ATR: variants seen among roughly 807,000 people sequenced by gnomAD.
The protein encoded by ATR is ATR checkpoint kinase, also known as serine/threonine-protein kinase ATR.
A neutral mutation model predicts 305.3 loss-of-function variants in ATR; 142 were observed. The observed-to-expected ratio is 0.47, with a 90% CI of 0.41 to 0.53. The LOEUF is 0.53. Ranked by LOEUF, ATR falls within the 20% of genes least tolerant of loss-of-function variation. ATR has a pLI of 0.00. For missense variants in ATR, 2,135 were observed against 3,133.1 expected (o/e 0.68, Z 7.60); for synonymous variants, 1,050 against 1,068.1 (o/e 0.98, Z 0.33).
At chr3:142,574,949 A>C (rs2035390381) in intron 1 of ATR, among the ~76,000 whole-genome samples, 1 of 152,208 alleles carries the variant, frequency 6.6e-6, no homozygotes, top group Non-Finnish European at 1.5e-5. Context: ...TTAAATTTCA[A>C]AGGACTGGCT....
rs552125018 is a variant in ATR at position 142,558,393 on chromosome 3, C to T, written c.1885+231G>A. Among the ~76,000 whole-genome samples, 266 of 151,980 alleles carry T rather than the reference C, an allele frequency of 1.8e-3. 3 individuals are homozygous for T. Among genetic ancestry groups the T allele is most frequent in the African/African-American group, 6.0e-3 (249 of 41,448 alleles). ...TAAGAATTAGCTGGGTATGGTGGTG[C>T]GCACCTGTAATCCTAGCTACTCAGG... On this transcript the variant is annotated intron_variant, in intron 8 of 46. Transcript: ENST00000350721.
chr3:142,475,319 A>G (rs1195811640), intron 36 of ATR, among the ~76,000 whole-genome samples: 1 of 152,096 alleles, frequency 6.6e-6, no homozygotes, highest in Non-Finnish European at 1.5e-5. Context: ...TCATTGTTCA[A>G]TTCCCAGCTA....
intron 34 of ATR, among the ~76,000 whole-genome samples, chr3:142,493,713 T>G (rs2031421761): frequency 6.6e-6 from 1 of 150,556 alleles, no homozygotes; most frequent in Admixed American, 6.6e-5. Context: ...ACAAAAAATT[T>G]AAAAATTACC....
rs55690216 is a variant in ATR, at chr3:142,565,733, T to TAAAA, written c.292+384_292+387dup. 4.3e-4 allele frequency among the ~76,000 whole-genome samples: 34 copies of TAAAA among 79,304 alleles called. No homozygotes were observed. In the East Asian group the frequency reaches 5.3e-3, roughly 12 times the overall value. The allele number at this position is 79,304 out of a possible 152,430, so 52.0% of individuals were successfully genotyped here. ...CAACATAGCGAGACCCTGTCTTATT[T>TAAAA]AAAAAAAAAAAAAAAAAAAAAAAAA... On this transcript the variant is annotated intron_variant, in intron 3 of 46. Transcript: ENST00000350721.
intron 34 of ATR, 24 bp downstream of exon 34, chr3:142,496,337 T>TATATATATATA (rs2031642650): frequency 1.1e-6 from 1 of 888,808 alleles, no homozygotes; most frequent in Non-Finnish European, 1.7e-6. Context: ...TATATATATA[T>TATATATATATA]GATGACATTT....
intron 13 of ATR, among the ~76,000 whole-genome samples, chr3:142,551,044 C>T (rs1219215980): frequency 6.6e-6 from 1 of 152,140 alleles, no homozygotes; most frequent in East Asian, 1.9e-4. Flanking sequence ...ACCTTGGCCT[C>T]CCAAAGTGCT....
chr3:142,539,931 T>C (rs1406786093), intron 18 of ATR, among the ~76,000 whole-genome samples: 1 of 152,174 alleles, frequency 6.6e-6, no homozygotes, highest in Non-Finnish European at 1.5e-5. Flanking sequence ...GGGAATTTTA[T>C]AATAAAGGGA....
rs888010601 is a variant in ATR, at chr3:142,519,936, T to A, written c.4267-152A>T. ...TTATGCTTCATGGATGCTGTTTTTT[T>A]TGTCTGTTTGTTTTTTTAGAAATAG... is the stretch of plus-strand genomic sequence containing the variant. On this transcript the variant is annotated intron_variant, in intron 23 of 46. Transcript: ENST00000350721. The A allele has an allele frequency of 3.8e-5, 26 of 679,348 alleles. 1 individual carries two copies. The South Asian group carries it at 4.7e-4, about 12-fold the overall frequency. The allele number at this position is 679,348 out of a possible 1,614,324, so 42.1% of individuals were successfully genotyped here. A position where few individuals can be genotyped will look rare whatever the true frequency, so the allele number is the denominator to read the frequency against.
At chr3:142,486,732 A>G (rs2030948957) in intron 35 of ATR, among the ~76,000 whole-genome samples, 2 of 152,020 alleles carry the variant, frequency 1.3e-5, no homozygotes, top group African/African-American at 4.8e-5. Context: ...AACTTGATCA[A>G]TTATTACAAA....
At chr3:142,508,186 C>T in intron 27 of ATR, 77 bp from the exon 28 acceptor site, 1 of 1,214,946 alleles carries the variant, frequency 8.2e-7, no homozygotes, top group Non-Finnish European at 1.2e-6. Context: ...TATTTAAGTT[C>T]AATTTATTTC....
chr3:142,496,992 A>G, intron 33 of ATR, 21 bp downstream of exon 33: 1 of 1,605,350 alleles, frequency 6.2e-7, no homozygotes, highest in Non-Finnish European at 8.5e-7. Context: ...TGACATTTTT[A>G]AAAAAAGTAG....
intron 10 of ATR, among the ~76,000 whole-genome samples, chr3:142,555,128 C>G (rs1263737877): frequency 7.3e-6 from 1 of 136,196 alleles, no homozygotes; most frequent in Admixed American, 7.4e-5. Context: ...CCCAGCTACT[C>G]CGGAGGCTGG....
At chr3:142,450,318 T>G in intron 46 of ATR, 7 of 1,058,266 alleles carry the variant, frequency 6.6e-6, no homozygotes, top group Non-Finnish European at 9.9e-6. Context: ...GTGAAGCACT[T>G]GAGCCATGTG....
In ATR at chr3:142,553,227, C is replaced by T. The variant is rs2108462005; in HGVS notation, c.2805G>A (p.Gln935=). ...FFSQYKKPIC[Q]FLVESLHSSQ... Reference sequence around the variant, plus strand: ...AGTCCAGACAAACGCTGACTCTTACCTGACAGATGGGTTTCTTATACTGGC... The same window carrying T: ...AGTCCAGACAAACGCTGACTCTTACTTGACAGATGGGTTTCTTATACTGGC... Residue 935 remains glutamine, a splice_region_variant and synonymous_variant, in exon 13 of 47, where the codon CAG becomes CAA. Coordinates refer to ENST00000350721, the MANE Select transcript of ATR (RefSeq NM_001184.4). 1 of 1,614,038 alleles carries T rather than the reference C, an allele frequency of 6.2e-7. No homozygotes were observed. The highest frequency in any genetic ancestry group is 8.5e-7 in the Non-Finnish European group (1 of 1,179,972).
chr3:142,547,962 G>A (rs764473945), intron 15 of ATR, 52 bp from the exon 16 acceptor site: 3 of 1,484,212 alleles, frequency 2.0e-6, no homozygotes, highest in Admixed American at 3.4e-5. Flanking sequence ...TAATATCCTG[G>A]AAATAAGTAT....
chr3:142,487,512 A>G (rs2031017796), intron 35 of ATR, among the ~76,000 whole-genome samples: 1 of 152,218 alleles, frequency 6.6e-6, no homozygotes, highest in African/African-American at 2.4e-5. Context: ...GTTATTGCAT[A>G]TAAATTTGGT....
chr3:142,561,529 CT>C, intron 4 of ATR, 108 bp from the exon 5 acceptor site: 1 of 1,159,614 alleles, frequency 8.6e-7, no homozygotes, highest in Non-Finnish European at 1.2e-6. Flanking sequence ...AGTGAAACTA[CT>C]TTTAGAGTCT....
rs1390798686 is a variant in ATR at position 142,528,875 on chromosome 3, A to ATTTTT, written c.3946-4677_3946-4676insAAAAA. On this transcript the variant is annotated intron_variant, in intron 21 of 46. Coordinates refer to ENST00000350721, the MANE Select transcript of ATR (RefSeq NM_001184.4). ...TTATCATATATATATATATATATAT[A>ATTTTT]TATATTTTTTTTTTTTTTTTTTTTT... 3.3e-3 allele frequency among the ~76,000 whole-genome samples: 153 copies of ATTTTT among 46,592 alleles called. 2 individuals carry two copies. The highest frequency in any genetic ancestry group is 4.6e-3 in the Non-Finnish European group (124 of 26,762). The allele number at this position is 46,592 out of a possible 152,430, so 30.6% of individuals were successfully genotyped here.
Position 142,493,868 on chromosome 3 carries a change from TA to T in ATR, c.5899-558del, listed in dbSNP as rs138713659. Reference sequence around the variant, plus strand: ...GGTGACAGAGCAAGATCCTCTCTCTTAAAAAAAAAAAAAGAAAGCTAGGCAT... The same window carrying T: ...GGTGACAGAGCAAGATCCTCTCTCTTAAAAAAAAAAAAGAAAGCTAGGCAT... On this transcript the variant is annotated intron_variant, in intron 34 of 46. Coordinates refer to ENST00000350721, the MANE Select transcript of ATR (RefSeq NM_001184.4). 4.2e-3 allele frequency among the ~76,000 whole-genome samples: 581 copies of T among 139,360 alleles called. 1 individual carries two copies. Among genetic ancestry groups the T allele is most frequent in the East Asian group, 0.015 (71 of 4,810 alleles). The allele number at this position is 139,360 out of a possible 152,430, so 91.4% of individuals were successfully genotyped here.
Sources: gnomAD v4.1 joint callset for allele counts (sites outside exome capture counted in the v4.1 genomes callset) on GRCh38, gnomAD v4.1.1 for gene constraint, MANE v1.5 for transcripts, NCBI Gene and HGNC (gene_info 2026-07-23, HGNC 2026-07-21) for gene names.